PDE12: variants seen among roughly 807,000 people sequenced by gnomAD.
PDE12 encodes 2',5'-phosphodiesterase 12.
Under a neutral mutation model 45.4 loss-of-function variants are expected in PDE12, and 26 were observed. That is an observed-to-expected ratio of 0.57 (90% confidence interval 0.42 to 0.79). The LOEUF (loss-of-function observed/expected upper bound fraction) is 0.79. Ranked by LOEUF, PDE12 falls within the 30% of genes least tolerant of loss-of-function variation. The pLI is 0.00. For missense variants in PDE12, 668 were observed against 790.0 expected, an observed-to-expected ratio of 0.85 and a Z score of 1.85; for synonymous variants, 283 against 323.9, an observed-to-expected ratio of 0.87 and a Z score of 1.36.
chr3:57,559,114 C>T (rs4681999), intron 1 of PDE12, among the ~76,000 whole-genome samples, 196 bp from the exon 2 acceptor site: 1 of 151,854 alleles, frequency 6.6e-6, no homozygotes, highest in Non-Finnish European at 1.5e-5. Context: ...CCAGCTACTC[C>T]GGAGGCAGAG....
the PDE12 span, chr3:57,577,306 T>C: frequency 4.7e-5 from 75 of 1,607,670 alleles, no homozygotes; most frequent in Middle Eastern, 1.6e-4. Flanking sequence ...ATTTAAAGTA[T>C]ATTTCTTACC....
chr3:57,605,274 A>AAG, the PDE12 span, among the ~76,000 whole-genome samples: 2 of 152,150 alleles, frequency 1.3e-5, no homozygotes, highest in South Asian at 2.1e-4. Flanking sequence ...GCAGCACAGA[A>AAG]AGAGAGAGAG....
In PDE12 at chr3:57,564,076, C is replaced by T. The variant is rs979781127; in HGVS notation, c.*4072C>T. On this transcript the variant is annotated 3_prime_UTR_variant, in exon 3 of 3. Transcript: ENST00000311180. ...CTTCTTAGCACTAACTTCAAAATAACCATACAGTACTGCTTGTAATTTTTG... is the reference window on the plus strand; with the variant it reads ...CTTCTTAGCACTAACTTCAAAATAATCATACAGTACTGCTTGTAATTTTTG... 3.9e-5 allele frequency: 6 copies of T among 152,082 alleles called. No homozygotes were observed. Among genetic ancestry groups the T allele is most frequent in the African/African-American group, 1.2e-4 (5 of 41,400 alleles). The allele number at this position is 152,082 out of a possible 1,614,324, so 9.4% of individuals were successfully genotyped here.
chr3:57,586,827 G>T, the PDE12 span, among the ~76,000 whole-genome samples: 1 of 152,022 alleles, frequency 6.6e-6, no homozygotes, highest in South Asian at 2.1e-4. Context: ...TCTTTAAATG[G>T]TCCAACAAAG....
chr3:57,601,653 G>A, the PDE12 span, among the ~76,000 whole-genome samples: 20 of 151,846 alleles, frequency 1.3e-4, no homozygotes, highest in Non-Finnish European at 2.4e-4. Flanking sequence ...AAATACCCAG[G>A]TACAACTATA....
At chr3:57,645,138 T>C in the PDE12 span, among the ~76,000 whole-genome samples, 1 of 152,164 alleles carries the variant, frequency 6.6e-6, no homozygotes, top group African/African-American at 2.4e-5. Flanking sequence ...ACCCAGTCGC[T>C]ATTAATGACA....
chr3:57,589,906 C>T, the PDE12 span, among the ~76,000 whole-genome samples: 1 of 142,596 alleles, frequency 7.0e-6, no homozygotes, highest in Non-Finnish European at 1.5e-5. Flanking sequence ...GCCTGGCCAA[C>T]ATGGTGAAAC....
At chr3:57,582,295 T>A in the PDE12 span, among the ~76,000 whole-genome samples, 1 of 151,760 alleles carries the variant, frequency 6.6e-6, no homozygotes, top group Non-Finnish European at 1.5e-5. Flanking sequence ...CATGCTGGAG[T>A]GCAATGGTGT....
the PDE12 span, chr3:57,628,883 G>T: frequency 6.2e-7 from 1 of 1,609,550 alleles, no homozygotes; most frequent in Non-Finnish European, 8.5e-7. Flanking sequence ...AGAGAAGTAA[G>T]TCCTAGAATA....
At chr3:57,625,558 T>C in the PDE12 span, 1 of 152,660 alleles carries the variant, frequency 6.6e-6, no homozygotes, top group African/African-American at 2.4e-5. Context: ...CATTACATAA[T>C]ACCCTTAAAG....
chr3:57,599,588 A>T, the PDE12 span, among the ~76,000 whole-genome samples: 2 of 152,230 alleles, frequency 1.3e-5, no homozygotes, highest in African/African-American at 4.8e-5. Context: ...AATCGAAAGA[A>T]TTCTGTTCTC....
chr3:57,580,128 G>A, the PDE12 span, among the ~76,000 whole-genome samples: 113,750 of 151,944 alleles, frequency 0.75, 44,673 homozygotes, highest in East Asian at 1. Context: ...AATGTTTGAT[G>A]CTTTGGGAGC....
the PDE12 span, among the ~76,000 whole-genome samples, chr3:57,654,041 G>A: frequency 8.9e-5 from 12 of 134,802 alleles, no homozygotes; most frequent in Non-Finnish European, 9.2e-5. Flanking sequence ...TCCACCTCCC[G>A]GGTTCACACC....
chr3:57,590,630 T>C, the PDE12 span, among the ~76,000 whole-genome samples: 8 of 152,216 alleles, frequency 5.3e-5, no homozygotes, highest in African/African-American at 1.9e-4. Flanking sequence ...TCAAATTATC[T>C]ACAAGTTTGA....
chr3:57,653,763 A>G, the PDE12 span, among the ~76,000 whole-genome samples: 3 of 148,512 alleles, frequency 2.0e-5, no homozygotes, highest in African/African-American at 2.5e-5. Flanking sequence ...AAAAAAAAAA[A>G]GGTAGCGTGC....
At chr3:57,612,978 A>G in the PDE12 span, among the ~76,000 whole-genome samples, 104 of 152,182 alleles carry the variant, frequency 6.8e-4, 1 homozygote, top group African/African-American at 2.3e-3. Context: ...CGCTACATAC[A>G]AAAACCTTTT....
In PDE12 at chr3:57,556,368, G is replaced by A; in HGVS notation, c.-12G>A. The A allele has an allele frequency of 2.6e-6, 4 of 1,552,250 alleles. No individual in the cohort carries two copies. The African/African-American group carries it at 5.5e-5, about 21-fold the overall frequency. On this transcript the variant is annotated 5_prime_UTR_variant, in exon 1 of 3. Transcript: ENST00000311180. This position sits in a 1 kb window ranked among gnomAD's most constrained non-coding sequence, Gnocchi z 5.0. Reference sequence around the variant, plus strand: ...GGCCGCGGGTCTTGTCGACCGCTAGGCCACCAGGTTCATGTGGAGGCTCCC... The same window carrying A: ...GGCCGCGGGTCTTGTCGACCGCTAGACCACCAGGTTCATGTGGAGGCTCCC...
At chr3:57,596,936 A>T in the PDE12 span, 2 of 860,326 alleles carry the variant, frequency 2.3e-6, no homozygotes, top group Non-Finnish European at 3.6e-6. Flanking sequence ...GTTCCCCCTT[A>T]AGAATTCCTT....
At chr3:57,574,797 T>C in the PDE12 span, among the ~76,000 whole-genome samples, 4 of 151,996 alleles carry the variant, frequency 2.6e-5, no homozygotes, top group African/African-American at 4.8e-5. Flanking sequence ...AGTGAGAGGA[T>C]TGCTTGAGTC....
Sources: allele counts gnomAD v4.1 joint callset (sites outside exome capture counted in the v4.1 genomes callset), GRCh38; gene constraint gnomAD v4.1.1; non-coding constraint Gnocchi (gnomAD v3.1); transcripts MANE v1.5; gene names NCBI Gene and HGNC (gene_info 2026-07-23, HGNC 2026-07-21).